METAP1D: variants seen among roughly 807,000 people sequenced by gnomAD.
METAP1D encodes methionyl aminopeptidase type 1D, mitochondrial.
METAP1D carries 31 observed loss-of-function variants against 40.5 expected under a neutral mutation model. The observed-to-expected ratio is 0.77, with a 90% CI of 0.58 to 1.03. The LOEUF is 1.03. Among genes scored for constraint, METAP1D ranks in the 50% least tolerant of loss-of-function variants. The probability of loss-of-function intolerance (pLI) is 0.00; values close to 1 mark genes in which losing one functional copy is unlikely to be tolerated. For synonymous variants in METAP1D, 151 were observed against 146.4 expected (o/e 1.03, Z -0.22); for missense variants, 411 against 420.7 (o/e 0.98, Z 0.20).
rs1689627043 is a variant in METAP1D, at chr2:172,042,853, ATATGTACATATATGTGTATG to A, written c.41-18643_41-18624del. On this transcript the variant is annotated intron_variant, in intron 1 of 9. Coordinates refer to ENST00000315796, the MANE Select transcript of METAP1D (RefSeq NM_199227.3). ...TGTACACATATACGTGTGTGTGTAT[ATATGTACATATATGTGTATG>A]TGTGTAAATATGTACATATATGTGT... 1.8e-5 allele frequency among the ~76,000 whole-genome samples: 2 copies of A among 110,256 alleles called. 1 individual carries two copies. The highest frequency in any genetic ancestry group is 3.9e-5 in the Non-Finnish European group (2 of 50,674). 72.3% of individuals were successfully genotyped at this position (110,256 alleles called of 152,430 possible).
At chr2:172,051,691 C>T (rs948158729) in intron 1 of METAP1D, among the ~76,000 whole-genome samples, 15 of 152,128 alleles carry the variant, frequency 9.9e-5, no homozygotes, top group Admixed American at 3.9e-4. Flanking sequence ...TCCCCAGAAG[C>T]GCTCTGTGAC....
intron 1 of METAP1D, among the ~76,000 whole-genome samples, chr2:172,037,277 G>A (rs1689418586): frequency 7.1e-6 from 1 of 140,972 alleles, no homozygotes; most frequent in South Asian, 2.2e-4. Flanking sequence ...AAAAAAAAAA[G>A]TCTAGGTTTT....
At chr2:172,005,256 C>CCAT (rs929154532) in intron 1 of METAP1D, among the ~76,000 whole-genome samples, 3 of 151,690 alleles carry the variant, frequency 2.0e-5, no homozygotes, top group African/African-American at 7.3e-5. Flanking sequence ...TTTAGTGCAC[C>CCAT]CATCACCCAA....
intron 5 of METAP1D, among the ~76,000 whole-genome samples, chr2:172,067,162 T>C (rs1056699281): frequency 6.6e-6 from 1 of 152,230 alleles, no homozygotes; most frequent in Non-Finnish European, 1.5e-5. Flanking sequence ...CATCTAATGA[T>C]TAACAAATAC....
intron 5 of METAP1D, among the ~76,000 whole-genome samples, chr2:172,066,820 C>G (rs1690294451): frequency 6.6e-6 from 1 of 152,216 alleles, no homozygotes; most frequent in Admixed American, 6.5e-5. Context: ...GACAGCAACT[C>G]TTTTGCTAGC....
intron 7 of METAP1D, 120 bp from the exon 8 acceptor site, chr2:172,079,095 C>G (rs1690626502): frequency 9.2e-6 from 9 of 980,928 alleles, no homozygotes; most frequent in African/African-American, 1.6e-5. Context: ...ACCCTTCCTT[C>G]TCTAAAAGAA....
At chr2:172,025,601 A>G (rs1689104597) in intron 1 of METAP1D, among the ~76,000 whole-genome samples, 1 of 152,152 alleles carries the variant, frequency 6.6e-6, no homozygotes, top group Non-Finnish European at 1.5e-5. Flanking sequence ...GGGCTTCCAA[A>G]GTGCTGGGAT....
At position 172,079,276 on chromosome 2, in the gene METAP1D, C is replaced by G. The variant is rs753349339; in HGVS notation, c.850+14C>G. On this transcript the variant is annotated intron_variant, in intron 8 of 9. Transcript: ENST00000315796. ...CATTCACTATAGGTAAATTGAGCTC[C>G]TCTTCCGAGTGAGTGCGTAGCTCCT... is the stretch of plus-strand genomic sequence containing the variant. 6.2e-7 allele frequency: 1 copy of G among 1,614,020 alleles called. No homozygotes were observed. The highest frequency in any genetic ancestry group is 1.7e-5 in the Admixed American group (1 of 60,032).
chr2:172,030,371 C>A (rs913987203), intron 1 of METAP1D, among the ~76,000 whole-genome samples: 1 of 152,044 alleles, frequency 6.6e-6, no homozygotes, highest in Non-Finnish European at 1.5e-5. Flanking sequence ...GGATTACAGG[C>A]GTGAGCCACC....
intron 7 of METAP1D, among the ~76,000 whole-genome samples, 192 bp downstream of exon 7, chr2:172,078,086 C>T (rs1690592666): frequency 6.6e-6 from 1 of 152,058 alleles, no homozygotes; most frequent in Non-Finnish European, 1.5e-5. Context: ...TGGATTAGAG[C>T]CCAGCTGTTT....
chr2:172,061,529 T>G lies in METAP1D; in HGVS notation c.72T>G (p.Asn24Lys), dbSNP rs761938433. Residue 24 changes from asparagine (N) to lysine (K), a missense_variant, in exon 2 of 10, where the codon AAT becomes AAG. By Grantham distance (94) the Asn-to-Lys change is moderately conservative (BLOSUM62 0). Transcript: ENST00000315796. Reference protein sequence around the residue: ...GSHRIFSSPLNHIYLHKQSSS... With the variant: ...GSHRIFSSPLKHIYLHKQSSS... ...ATAGAATTTTCTCTTCACCACTCAA[T>G]CATATCTACTTACACAAGCAGTCAA... The G allele has an allele frequency of 6.2e-7, 1 of 1,613,072 alleles. No homozygotes were observed. The highest frequency in any genetic ancestry group is 8.5e-7 in the Non-Finnish European group (1 of 1,179,714).
intron 1 of METAP1D, among the ~76,000 whole-genome samples, chr2:172,002,365 C>T (rs62183800): frequency 0.43 from 65,314 of 151,900 alleles, 15,563 homozygotes; most frequent in Middle Eastern, 0.59. Context: ...ACTGTGATTA[C>T]TTTGCACCAA....
chr2:172,022,793 T>C (rs1430995004), intron 1 of METAP1D, among the ~76,000 whole-genome samples: 1 of 152,216 alleles, frequency 6.6e-6, no homozygotes, highest in African/African-American at 2.4e-5. Flanking sequence ...TTGCATTTTC[T>C]ATATGAATTG....
chr2:172,030,050 C>G (rs1247537433), intron 1 of METAP1D, among the ~76,000 whole-genome samples: 2 of 150,990 alleles, frequency 1.3e-5, no homozygotes, highest in African/African-American at 4.8e-5. Flanking sequence ...GCCGCTGCAC[C>G]CGGCCTTTAA....
chr2:172,005,059 C>T (rs1205820076), intron 1 of METAP1D, among the ~76,000 whole-genome samples: 7 of 151,956 alleles, frequency 4.6e-5, no homozygotes, highest in Non-Finnish European at 8.8e-5. Flanking sequence ...AGTGGCTAGG[C>T]GCACACCACC....
At chr2:172,003,346 C>T (rs997609191) in intron 1 of METAP1D, among the ~76,000 whole-genome samples, 1 of 152,174 alleles carries the variant, frequency 6.6e-6, no homozygotes, top group African/African-American at 2.4e-5. Flanking sequence ...TCCCAGCCCT[C>T]GCTTCACTGG....
In METAP1D at chr2:172,042,409, A is replaced by G. The variant is rs999751426; in HGVS notation, c.41-19089A>G. Among the ~76,000 whole-genome samples the G allele has an allele frequency of 9.3e-3, 439 of 47,294 alleles. 25 individuals are homozygous for G. Among genetic ancestry groups the G allele is most frequent in the Non-Finnish European group, 0.011 (257 of 24,120 alleles). 31.0% of individuals were successfully genotyped at this position (47,294 alleles called of 152,430 possible). A position where few individuals can be genotyped will look rare whatever the true frequency, so the allele number is the denominator to read the frequency against. On this transcript the variant is annotated intron_variant, in intron 1 of 9. Transcript: ENST00000315796. ...TACATATATACATATATACATATGT[A>G]TGTGTACATGTGTACATATATACAT...
At chr2:172,013,673 G>A (rs1385641860) in intron 1 of METAP1D, among the ~76,000 whole-genome samples, 1 of 152,174 alleles carries the variant, frequency 6.6e-6, no homozygotes, top group East Asian at 1.9e-4. Context: ...GCGTGTGAAA[G>A]AGGCCACATG....
intron 8 of METAP1D, 98 bp from the exon 9 acceptor site, chr2:172,080,030 G>A (rs1053545161): frequency 4.8e-6 from 5 of 1,046,496 alleles, no homozygotes; most frequent in Non-Finnish European, 5.7e-6. Flanking sequence ...GCACTTGAGG[G>A]GAGGGAGGAG....
Sources: allele counts gnomAD v4.1 joint callset (sites outside exome capture counted in the v4.1 genomes callset), GRCh38; gene constraint gnomAD v4.1.1; transcripts MANE v1.5; gene names NCBI Gene and HGNC (gene_info 2026-07-23, HGNC 2026-07-21).